The following PTGFR variants were observed in gnomAD, a reference collection of about 807,000 sequenced individuals.
PTGFR encodes prostaglandin F receptor, also known as prostaglandin F2-alpha receptor.
Under a neutral mutation model 26.2 loss-of-function variants are expected in PTGFR, and 15 were observed. The observed-to-expected ratio is 0.57, with a 90% CI of 0.38 to 0.88. PTGFR has a LOEUF of 0.88. PTGFR is among the 40% of genes least tolerant of loss of function. The probability of loss-of-function intolerance (pLI) is 0.00; values close to 1 mark genes in which losing one functional copy is unlikely to be tolerated. For synonymous variants in PTGFR, 165 were observed against 151.1 expected (o/e 1.09, Z -0.68); for missense variants, 369 against 427.2 (o/e 0.86, Z 1.20).
chr1:78,492,410 G>T (rs1165991899), intron 1 of PTGFR, among the ~76,000 whole-genome samples: 4 of 152,130 alleles, frequency 2.6e-5, no homozygotes, highest in African/African-American at 9.7e-5. Flanking sequence ...CGTGTCAGGG[G>T]GACATTCAGG....
intron 2 of PTGFR, among the ~76,000 whole-genome samples, chr1:78,533,124 C>A (rs754572574): frequency 1.3e-5 from 2 of 151,998 alleles, no homozygotes; most frequent in Non-Finnish European, 2.9e-5. Context: ...GTTTGCAAAC[C>A]ATTTTGTATG....
chr1:78,514,411 G>A (rs1650044609), intron 2 of PTGFR, among the ~76,000 whole-genome samples: 1 of 152,170 alleles, frequency 6.6e-6, no homozygotes, highest in Non-Finnish European at 1.5e-5. Context: ...CTTGTGTGGG[G>A]CCTGTTGCCT....
chr1:78,519,592 A>G (rs186717724), intron 2 of PTGFR, among the ~76,000 whole-genome samples: 27 of 152,240 alleles, frequency 1.8e-4, no homozygotes, highest in African/African-American at 6.3e-4. Context: ...CACATGTGCT[A>G]CAGGGGATAC....
rs769224473 is a variant in PTGFR, at chr1:78,493,547, A to T, written c.798+6A>T. ...TTTGTTGGAGCCCATTTCTGGTAAG[A>T]GCCTGAAGTTTTGACTTCTGCTTTC... On this transcript the variant is annotated splice_donor_region_variant and intron_variant, in intron 2 of 2. Coordinates refer to ENST00000370757, the MANE Select transcript of PTGFR (RefSeq NM_000959.4). 2.6e-6 allele frequency: 4 copies of T among 1,519,806 alleles called. No individual in the cohort carries two copies. In the South Asian group the frequency reaches 4.0e-5, roughly 15 times the overall value. The allele number at this position is 1,519,806 out of a possible 1,614,324, so 94.1% of individuals were successfully genotyped here.
intron 2 of PTGFR, among the ~76,000 whole-genome samples, chr1:78,526,125 A>G (rs946361549): frequency 2.0e-5 from 3 of 152,122 alleles, no homozygotes; most frequent in Non-Finnish European, 4.4e-5. Flanking sequence ...GGTCCTGCCC[A>G]ACATTGCAAG....
At chr1:78,491,957 C>T (rs1284426732) in intron 1 of PTGFR, among the ~76,000 whole-genome samples, 1 of 152,204 alleles carries the variant, frequency 6.6e-6, no homozygotes, top group Non-Finnish European at 1.5e-5. Flanking sequence ...GAAGCTGTAA[C>T]TGGACAGGAT....
chr1:78,509,300 C>T (rs1416884069), intron 2 of PTGFR, among the ~76,000 whole-genome samples: 1 of 152,140 alleles, frequency 6.6e-6, no homozygotes, highest in Non-Finnish European at 1.5e-5. Context: ...ATTGGCCTAT[C>T]CCTCATCCAG....
intron 2 of PTGFR, among the ~76,000 whole-genome samples, chr1:78,505,039 GT>G (rs1015594899): frequency 6.7e-6 from 1 of 149,890 alleles, no homozygotes; most frequent in African/African-American, 2.5e-5. Flanking sequence ...TCAAAGTCGT[GT>G]TTTGAATAAA....
intron 2 of PTGFR, among the ~76,000 whole-genome samples, chr1:78,525,419 T>C (rs997301206): frequency 1.2e-4 from 18 of 151,928 alleles, no homozygotes; most frequent in African/African-American, 4.3e-4. Flanking sequence ...GGATACAAAT[T>C]AGGACCAGTC....
rs1165346785 is a variant in PTGFR at position 78,539,283 on chromosome 1, C to A, written c.*2596C>A. 1 of 151,938 alleles carries A rather than the reference C, an allele frequency of 6.6e-6. No homozygotes were observed. The highest frequency in any genetic ancestry group is 2.4e-5 in the African/African-American group (1 of 41,384). The allele number at this position is 151,938 out of a possible 1,614,324, so 9.4% of individuals were successfully genotyped here. On this transcript the variant is annotated 3_prime_UTR_variant, in exon 3 of 3. Coordinates refer to ENST00000370757, the MANE Select transcript of PTGFR (RefSeq NM_000959.4). ...ATGTGATAAATGTTTCTTGTTTGCA[C>A]ACTTTTGGACTTGAGAAATCTGCTT...
At chr1:78,519,553 G>A (rs189566851) in intron 2 of PTGFR, among the ~76,000 whole-genome samples, 2 of 152,138 alleles carry the variant, frequency 1.3e-5, no homozygotes, top group Non-Finnish European at 1.5e-5. Flanking sequence ...GTATGAAAAC[G>A]TTCAATGAGT....
At chr1:78,503,704 A>G (rs1649762525) in intron 2 of PTGFR, among the ~76,000 whole-genome samples, 1 of 152,054 alleles carries the variant, frequency 6.6e-6, no homozygotes, top group South Asian at 2.1e-4. Flanking sequence ...TTCCACTTTT[A>G]CTATGGGGTA....
chr1:78,497,799 G>A, intron 2 of PTGFR: 1 of 993,964 alleles, frequency 1.0e-6, no homozygotes, highest in South Asian at 1.4e-5. Context: ...AATCACCAAC[G>A]GTAGACTTAG....
intron 2 of PTGFR, among the ~76,000 whole-genome samples, chr1:78,523,546 T>C (rs1650297108): frequency 6.6e-6 from 1 of 151,934 alleles, no homozygotes; most frequent in South Asian, 2.1e-4. Context: ...AAAACACGTA[T>C]AAATACCTTT....
rs761443586 is a variant in PTGFR, at chr1:78,538,377, G to A, written c.*1690G>A. 1.3e-5 allele frequency: 2 copies of A among 152,014 alleles called. No homozygotes were observed. Among genetic ancestry groups the A allele is most frequent in the Non-Finnish European group, 2.9e-5 (2 of 67,972 alleles). The allele number at this position is 152,014 out of a possible 1,614,324, so 9.4% of individuals were successfully genotyped here. On this transcript the variant is annotated 3_prime_UTR_variant, in exon 3 of 3. Coordinates refer to ENST00000370757, the MANE Select transcript of PTGFR (RefSeq NM_000959.4). ...TCACCCTGGCCATGTGTACTGACTT[G>A]AGGAGATCTTGCAACATGGCCATGT... is the stretch of plus-strand genomic sequence containing the variant.
At chr1:78,495,368 C>G (rs540542991) in intron 2 of PTGFR, among the ~76,000 whole-genome samples, 2 of 152,054 alleles carry the variant, frequency 1.3e-5, no homozygotes, top group Non-Finnish European at 2.9e-5. Context: ...AGAAATTTCC[C>G]GAGTGTAATG....
intron 2 of PTGFR, among the ~76,000 whole-genome samples, chr1:78,520,295 C>T (rs1650192402): frequency 6.6e-6 from 1 of 152,072 alleles, no homozygotes; most frequent in Admixed American, 6.6e-5. Context: ...CCTCATATTT[C>T]TTTAAAAAGT....
Position 78,493,041 on chromosome 1 carries a change from C to T in PTGFR, c.298C>T (p.Arg100Cys), listed in dbSNP as rs1259928177. 4.3e-6 allele frequency: 7 copies of T among 1,614,066 alleles called. No individual in the cohort carries two copies. The highest frequency in any genetic ancestry group is 1.1e-5 in the South Asian group (1 of 91,086). The change falls in exon 2 of 3, where the codon CGC becomes TGC. Residue 100 changes from arginine (R) to cysteine (C), a missense_variant. Physicochemically the swap from Arg to Cys is radical, Grantham distance 180. Transcript: ENST00000370757. The part of the protein sequence containing the change: ...FVYASDKEWI[R>C]FDQSNVLCSI... Reference sequence around the variant, plus strand: ...ATATGCTTCTGATAAAGAATGGATCCGCTTTGACCAATCAAATGTCCTTTG... The same window carrying T: ...ATATGCTTCTGATAAAGAATGGATCTGCTTTGACCAATCAAATGTCCTTTG...
In PTGFR at chr1:78,539,915, C is replaced by T. The variant is rs1490810500; in HGVS notation, c.*3228C>T. On this transcript the variant is annotated 3_prime_UTR_variant, in exon 3 of 3. Coordinates refer to ENST00000370757, the MANE Select transcript of PTGFR (RefSeq NM_000959.4). ...TTCTGTGATATCTTCTCTCTTTTAC[C>T]TGTGTCTCAACTTACCTAGGCAAGT... Among the ~76,000 whole-genome samples the T allele has an allele frequency of 1.3e-5, 2 of 151,994 alleles. No homozygotes were observed. The highest frequency in any genetic ancestry group is 4.8e-5 in the African/African-American group (2 of 41,414).
Sources: allele counts gnomAD v4.1 joint callset (sites outside exome capture counted in the v4.1 genomes callset), GRCh38; gene constraint gnomAD v4.1.1; transcripts MANE v1.5; gene names NCBI Gene and HGNC (gene_info 2026-07-23, HGNC 2026-07-21).